CEP112: variants seen among roughly 807,000 people sequenced by gnomAD.
CEP112 encodes centrosomal protein of 112 kDa.
CEP112 carries 127 observed loss-of-function variants against 153.0 expected under a neutral mutation model. The observed-to-expected ratio is 0.83, with a 90% CI of 0.72 to 0.96. The LOEUF (loss-of-function observed/expected upper bound fraction) is 0.96. CEP112 is among the 40% of genes least tolerant of loss of function. CEP112 has a pLI of 0.00. For synonymous variants in CEP112, 358 were observed against 374.4 expected, an observed-to-expected ratio of 0.96 and a Z score of 0.51; for missense variants, 1,089 against 1,101.2, an observed-to-expected ratio of 0.99 and a Z score of 0.16.
intron 8 of CEP112, among the ~76,000 whole-genome samples, chr17:66,071,417 C>T (rs1406706317): frequency 6.6e-6 from 1 of 152,152 alleles, no homozygotes; most frequent in East Asian, 1.9e-4. Context: ...TAAAAGGGAA[C>T]TAAAGCCAAA....
intron 18 of CEP112, among the ~76,000 whole-genome samples, chr17:65,949,508 G>A (rs76979064): frequency 6.6e-6 from 1 of 152,160 alleles, no homozygotes; most frequent in African/African-American, 2.4e-5. Flanking sequence ...TCAGGTATGT[G>A]GGGGGAATTT....
chr17:65,942,176 G>A (rs2061525431), intron 18 of CEP112, among the ~76,000 whole-genome samples: 1 of 112,592 alleles, frequency 8.9e-6, no homozygotes, highest in African/African-American at 3.0e-5. Context: ...GATCAGTGTT[G>A]GCATTAGGAA....
rs144962720 is a variant in CEP112 at position 65,699,207 on chromosome 17, T to C, written c.2608-9989A>G. Among the ~76,000 whole-genome samples, 780 of 152,376 alleles carry C rather than the reference T, an allele frequency of 5.1e-3. 29 individuals are homozygous for C. Among genetic ancestry groups the C allele is most frequent in the Admixed American group, 0.039 (596 of 15,310 alleles). The stretch of plus-strand genomic sequence containing the variant: ...CAGAGCAGCGGCCTTTGCCCCTCCA[T>C]TATTTGTTAAGTGGTCTCTGAAATG... On this transcript the variant is annotated intron_variant, in intron 23 of 26. Transcript: ENST00000535342.
At chr17:65,737,902 A>C (rs1257894254) in intron 23 of CEP112, among the ~76,000 whole-genome samples, 1 of 152,216 alleles carries the variant, frequency 6.6e-6, no homozygotes, top group Non-Finnish European at 1.5e-5. Flanking sequence ...AGGTGCATTC[A>C]GTCTATGTCT....
intron 20 of CEP112, among the ~76,000 whole-genome samples, chr17:65,864,828 T>C (rs1045883670): frequency 6.6e-6 from 1 of 152,066 alleles, no homozygotes; most frequent in African/African-American, 2.4e-5. Context: ...ATTTCTCTAC[T>C]GGTCACATCA....
intron 20 of CEP112, among the ~76,000 whole-genome samples, chr17:65,900,802 T>C (rs1411612239): frequency 4.6e-5 from 7 of 152,126 alleles, no homozygotes; most frequent in Non-Finnish European, 1.0e-4. Context: ...AAGGCTCTAA[T>C]GAGGCTGGTG....
At chr17:65,928,650 C>G (rs188403500) in intron 18 of CEP112, among the ~76,000 whole-genome samples, 1 of 152,066 alleles carries the variant, frequency 6.6e-6, no homozygotes, top group Non-Finnish European at 1.5e-5. Flanking sequence ...ATCGCTTGAG[C>G]CCAGGAGTCG....
chr17:66,130,327 C>T (rs1022640769), intron 5 of CEP112, among the ~76,000 whole-genome samples: 1 of 151,824 alleles, frequency 6.6e-6, no homozygotes, highest in South Asian at 2.1e-4. Flanking sequence ...AGTGTATTGT[C>T]GGGGGCAGGG....
intron 20 of CEP112, among the ~76,000 whole-genome samples, chr17:65,888,044 C>A (rs2059344672): frequency 6.6e-6 from 1 of 152,110 alleles, no homozygotes; most frequent in Non-Finnish European, 1.5e-5. Flanking sequence ...AAAAACTCCC[C>A]CAGGGCATCC....
intron 12 of CEP112, among the ~76,000 whole-genome samples, chr17:66,039,298 C>A (rs959239312): frequency 7.2e-5 from 11 of 152,086 alleles, no homozygotes; most frequent in Non-Finnish European, 2.9e-5. Flanking sequence ...GTTTTACATA[C>A]AAACTTAATT....
At chr17:65,681,452 C>T (rs1388952655) in intron 24 of CEP112, among the ~76,000 whole-genome samples, 1 of 151,430 alleles carries the variant, frequency 6.6e-6, no homozygotes, top group African/African-American at 2.4e-5. Flanking sequence ...CTCTGACATG[C>T]TTAAAGTCCT....
At chr17:66,001,501 A>G (rs1300984446) in intron 17 of CEP112, among the ~76,000 whole-genome samples, 2 of 152,226 alleles carry the variant, frequency 1.3e-5, no homozygotes, top group Admixed American at 6.5e-5. Flanking sequence ...AAATATTTAG[A>G]ATGTTTATGA....
At chr17:65,914,610 G>C (rs750346753) in intron 19 of CEP112, among the ~76,000 whole-genome samples, 1 of 152,026 alleles carries the variant, frequency 6.6e-6, no homozygotes. Flanking sequence ...TACCTAAGGC[G>C]AGTCCCTTCA....
chr17:66,133,266 G>T (rs1383884368), intron 4 of CEP112, among the ~76,000 whole-genome samples: 2 of 151,948 alleles, frequency 1.3e-5, no homozygotes, highest in African/African-American at 4.8e-5. Flanking sequence ...TTTTTCCCAA[G>T]TGTAAAAAGA....
chr17:65,665,706 C>T (rs1255028990), intron 24 of CEP112, among the ~76,000 whole-genome samples: 4 of 152,170 alleles, frequency 2.6e-5, no homozygotes, highest in African/African-American at 7.2e-5. Flanking sequence ...TTAAGCCTCC[C>T]CTGAAGCCAA....
intron 1 of CEP112, among the ~76,000 whole-genome samples, chr17:66,187,182 T>TC (rs2072971381): frequency 6.6e-6 from 1 of 151,946 alleles, no homozygotes; most frequent in Non-Finnish European, 1.5e-5. Flanking sequence ...ATCATCTGTC[T>TC]CCCTACTGTC....
chr17:65,992,864 A>C (rs1006903889), intron 17 of CEP112, among the ~76,000 whole-genome samples: 2 of 152,232 alleles, frequency 1.3e-5, no homozygotes. Flanking sequence ...GTCTACCAAA[A>C]TTCAAAATTC....
chr17:66,043,758 A>G (rs554493806), intron 12 of CEP112, among the ~76,000 whole-genome samples: 1 of 152,246 alleles, frequency 6.6e-6, no homozygotes, highest in South Asian at 2.1e-4. Context: ...TCATAAGAAA[A>G]TCCCTGCCAA....
chr17:65,808,578 TC>T (rs34492926), intron 21 of CEP112, among the ~76,000 whole-genome samples: 1 of 152,034 alleles, frequency 6.6e-6, no homozygotes, highest in Non-Finnish European at 1.5e-5. Flanking sequence ...GGGGTGGACT[TC>T]CCCCTTGCTG....
Sources: allele counts gnomAD v4.1 joint callset (sites outside exome capture counted in the v4.1 genomes callset), GRCh38; gene constraint gnomAD v4.1.1; transcripts MANE v1.5; gene names NCBI Gene and HGNC (gene_info 2026-07-23, HGNC 2026-07-21).